The following MCUR1 variants were observed in gnomAD, a reference collection of about 807,000 sequenced individuals.
MCUR1 encodes the protein MCU regulator 1.
MCUR1 carries 37 observed loss-of-function variants against 42.0 expected under a neutral mutation model. The ratio of observed to expected loss-of-function variants is 0.88; its 90% CI spans 0.68 to 1.16. MCUR1 has a LOEUF of 1.16. MCUR1 is among the 50% of genes most tolerant of loss of function. The probability of loss-of-function intolerance (pLI) is 0.00; values close to 1 mark genes in which losing one functional copy is unlikely to be tolerated. For missense variants in MCUR1, 469 were observed against 468.4 expected (o/e 1.00, Z -0.01); for synonymous variants, 229 against 196.2 (o/e 1.17, Z -1.40).
At chr6:13,813,977 C>G (rs1760299264) in intron 1 of MCUR1, 38 bp downstream of exon 1, 1 of 1,227,932 alleles carries the variant, frequency 8.1e-7, no homozygotes, top group Non-Finnish European at 1.0e-6. Context: ...TCCAACCCCG[C>G]GAGACGAGCC....
At chr6:13,794,151 C>T (rs1759802619) in intron 6 of MCUR1, among the ~76,000 whole-genome samples, 1 of 151,362 alleles carries the variant, frequency 6.6e-6, no homozygotes, top group Middle Eastern at 3.4e-3. Context: ...TGGGGCTTTG[C>T]CATGTTGCCC....
chr6:13,789,040 T>C lies in MCUR1; in HGVS notation c.*1769A>G, dbSNP rs1197566823. Reference sequence around the variant, plus strand: ...CTGTGGTTCCTTCACTGTATGTGTGTGCAGAGAAAGGCAGAAAAGCTTCTA... The same window carrying C: ...CTGTGGTTCCTTCACTGTATGTGTGCGCAGAGAAAGGCAGAAAAGCTTCTA... On this transcript the variant is annotated 3_prime_UTR_variant, in exon 9 of 9. Coordinates refer to ENST00000379170, the MANE Select transcript of MCUR1 (RefSeq NM_001031713.4). 1.3e-5 allele frequency: 2 copies of C among 152,250 alleles called. No individual in the cohort carries two copies. Among genetic ancestry groups the C allele is most frequent in the Admixed American group, 6.5e-5 (1 of 15,286 alleles). The allele number at this position is 152,250 out of a possible 1,614,324, so 9.4% of individuals were successfully genotyped here.
chr6:13,793,751 TTGTG>T lies in MCUR1; in HGVS notation c.909+139_909+142del, dbSNP rs796896399. On this transcript the variant is annotated intron_variant, in intron 7 of 8. Transcript: ENST00000379170. ...AATGGTTAAGATCCTAATTTTTATG[TTGTG>T]TGTATTTTAGCACAATGTAAAAAAT... is the stretch of plus-strand genomic sequence containing the variant. The T allele has an allele frequency of 5.9e-4, 393 of 667,778 alleles. 2 individuals carry two copies. Among genetic ancestry groups the T allele is most frequent in the South Asian group, 5.5e-3 (296 of 54,268 alleles). The allele number at this position is 667,778 out of a possible 1,614,324, so 41.4% of individuals were successfully genotyped here. A position where few individuals can be genotyped will look rare whatever the true frequency, so the allele number is the denominator to read the frequency against.
At chr6:13,808,803 G>A (rs1009372666) in intron 1 of MCUR1, among the ~76,000 whole-genome samples, 6 of 152,146 alleles carry the variant, frequency 3.9e-5, no homozygotes, top group African/African-American at 1.2e-4. Flanking sequence ...TCAGTGGGCT[G>A]TAAGCATGAG....
At chr6:13,807,149 A>T in intron 1 of MCUR1, 105 bp from the exon 2 acceptor site, 1 of 1,260,522 alleles carries the variant, frequency 7.9e-7, no homozygotes. Flanking sequence ...GTGGTACTTT[A>T]TAACAGCTTC....
At position 13,790,468 on chromosome 6, in the gene MCUR1, T is replaced by TC. The variant is rs964482937; in HGVS notation, c.*340_*341insG. ...GGACAACAATCTGGTATTCCGGTTT[T>TC]TTTTTTTTTTTTGAGACGGAGTCTC... On this transcript the variant is annotated 3_prime_UTR_variant, in exon 9 of 9. Coordinates refer to ENST00000379170, the MANE Select transcript of MCUR1 (RefSeq NM_001031713.4). 6 of 154,254 alleles carry TC rather than the reference T, an allele frequency of 3.9e-5. No homozygotes were observed. The highest frequency in any genetic ancestry group is 1.4e-4 in the African/African-American group (6 of 41,526). The allele number at this position is 154,254 out of a possible 1,614,324, so 9.6% of individuals were successfully genotyped here.
At chr6:13,803,854 T>C (rs1043294391) in intron 2 of MCUR1, 2 of 985,272 alleles carry the variant, frequency 2.0e-6, no homozygotes, top group African/African-American at 3.5e-5. Flanking sequence ...GTTCACTGGC[T>C]GGGTGTGGTG....
intron 4 of MCUR1, 36 bp downstream of exon 4, chr6:13,801,252 T>C: frequency 7.5e-7 from 1 of 1,334,976 alleles, no homozygotes; most frequent in South Asian, 1.2e-5. Flanking sequence ...TGTCTTAATA[T>C]AATCAACTTT....
chr6:13,803,721 G>C lies in MCUR1; in HGVS notation c.536-1375C>G, dbSNP rs1022861301. ...CATGTCTAGAAAAAAAATACAAAAG[G>C]TTACTCACCAAAATGTTAACATTGT... On this transcript the variant is annotated intron_variant, in intron 2 of 8. Coordinates refer to ENST00000379170, the MANE Select transcript of MCUR1 (RefSeq NM_001031713.4). The C allele has an allele frequency of 1.7e-5, 17 of 977,708 alleles. No homozygotes were observed. In the African/African-American group the frequency reaches 2.8e-4, roughly 16 times the overall value. The allele number at this position is 977,708 out of a possible 1,614,324, so 60.6% of individuals were successfully genotyped here. A position where few individuals can be genotyped will look rare whatever the true frequency, so the allele number is the denominator to read the frequency against.
intron 6 of MCUR1, among the ~76,000 whole-genome samples, 196 bp from the exon 7 acceptor site, chr6:13,794,143 G>A (rs1759802489): frequency 6.6e-6 from 1 of 151,696 alleles, no homozygotes; most frequent in African/African-American, 2.4e-5. Flanking sequence ...CATAGAGATG[G>A]GGCTTTGCCA....
chr6:13,788,292 A>C lies in MCUR1; in HGVS notation c.*2517T>G, dbSNP rs964312123. The C allele has an allele frequency of 6.6e-6, 1 of 152,180 alleles. No individual in the cohort carries two copies. The highest frequency in any genetic ancestry group is 6.5e-5 in the Admixed American group (1 of 15,278). 9.4% of individuals were successfully genotyped at this position (152,180 alleles called of 1,614,324 possible). On this transcript the variant is annotated 3_prime_UTR_variant, in exon 9 of 9. Coordinates refer to ENST00000379170, the MANE Select transcript of MCUR1 (RefSeq NM_001031713.4). ...ATGGTTTTCAAATAAAATACATCTG[A>C]CCAAATAAAGTGAACACAGTCCTGA...
intron 2 of MCUR1, among the ~76,000 whole-genome samples, chr6:13,802,835 A>C (rs1050321476): frequency 6.6e-6 from 1 of 152,166 alleles, no homozygotes; most frequent in Non-Finnish European, 1.5e-5. Flanking sequence ...CTTAAATAGG[A>C]AAGCTCAGTT....
At chr6:13,798,774 C>G in intron 6 of MCUR1, 59 bp downstream of exon 6, 1 of 1,349,256 alleles carries the variant, frequency 7.4e-7, no homozygotes, top group African/African-American at 1.4e-5. Flanking sequence ...TAGGCTTAAC[C>G]AAGCATTCCA....
At chr6:13,797,740 C>G (rs1307194462) in intron 6 of MCUR1, among the ~76,000 whole-genome samples, 1 of 145,162 alleles carries the variant, frequency 6.9e-6, no homozygotes, top group Non-Finnish European at 1.5e-5. Flanking sequence ...AACACACTTG[C>G]CGGCCAGGCG....
At chr6:13,794,493 T>C (rs1360248354) in intron 6 of MCUR1, among the ~76,000 whole-genome samples, 9 of 152,172 alleles carry the variant, frequency 5.9e-5, no homozygotes, top group Non-Finnish European at 1.2e-4. Flanking sequence ...AACACGTCAC[T>C]ACTTGAGTCT....
At chr6:13,809,775 T>C (rs1760192227) in intron 1 of MCUR1, among the ~76,000 whole-genome samples, 1 of 151,588 alleles carries the variant, frequency 6.6e-6, no homozygotes, top group South Asian at 2.1e-4. Context: ...GTGCCTGTAT[T>C]CCCAGCTACT....
rs538311940 is a variant in MCUR1, at chr6:13,791,961, G to A, written c.941C>T (p.Thr314Ile). Residue 314 changes from threonine (T) to isoleucine (I), a missense_variant, in exon 8 of 9, where the codon ACA becomes ATA. Thr to Ile is a moderately conservative substitution (Grantham distance 89). Coordinates refer to ENST00000379170, the MANE Select transcript of MCUR1 (RefSeq NM_001031713.4). ...AACCTCAGTTTCGATCTTCCTGTCTGTCTGGGTAAGGGCCCGATCTTGCTG... is the reference window on the plus strand; with the variant it reads ...AACCTCAGTTTCGATCTTCCTGTCTATCTGGGTAAGGGCCCGATCTTGCTG... ...HAQQDRALTQ[T>I]DRKIETEVAG... 1.2e-6 allele frequency: 2 copies of A among 1,614,006 alleles called. No individual in the cohort carries two copies. The highest frequency in any genetic ancestry group is 2.2e-5 in the East Asian group (1 of 44,876).
In MCUR1 at chr6:13,793,875, TCA is replaced by T. The variant is rs752975227; in HGVS notation, c.909+17_909+18del. On this transcript the variant is annotated intron_variant, in intron 7 of 8. Transcript: ENST00000379170. ...AGATGAGTACAAAGACAAAGAAAAA[TCA>T]CAGTCTTGTTTCTTACCAATGCCAC... 5.6e-6 allele frequency: 9 copies of T among 1,609,074 alleles called. No homozygotes were observed. In the Admixed American group the frequency reaches 8.3e-5, roughly 15 times the overall value.
intron 5 of MCUR1, 44 bp downstream of exon 5, chr6:13,800,297 T>G (rs1759962315): frequency 7.5e-7 from 1 of 1,326,860 alleles, no homozygotes; most frequent in African/African-American, 1.5e-5. Context: ...TTAATAAGTT[T>G]ATATAATTAC....
Sources: allele counts gnomAD v4.1 joint callset (sites outside exome capture counted in the v4.1 genomes callset), GRCh38; gene constraint gnomAD v4.1.1; transcripts MANE v1.5; gene names NCBI Gene and HGNC (gene_info 2026-07-23, HGNC 2026-07-21).